The following NDFIP1 variants were observed in gnomAD, a reference collection of about 807,000 sequenced individuals.
NDFIP1 encodes the protein NEDD4 family-interacting protein 1.
A neutral mutation model predicts 28.8 loss-of-function variants in NDFIP1; 7 were observed. The observed-to-expected ratio is 0.24, with a 90% CI of 0.14 to 0.46. The LOEUF (loss-of-function observed/expected upper bound fraction) is 0.46, where lower values mean the gene tolerates loss of function less well. Among genes scored for constraint, NDFIP1 ranks in the 20% least tolerant of loss-of-function variants. The pLI, the probability that NDFIP1 is intolerant of heterozygous loss-of-function variation, is 0.99. For missense variants in NDFIP1, 194 were observed against 269.1 expected (o/e 0.72, Z 1.95); for synonymous variants, 92 against 101.0 (o/e 0.91, Z 0.53).
intron 7 of NDFIP1, among the ~76,000 whole-genome samples, chr5:142,147,568 A>G (rs1408329147): frequency 6.6e-6 from 1 of 152,158 alleles, no homozygotes; most frequent in Non-Finnish European, 1.5e-5. Flanking sequence ...CTGTTTTTAC[A>G]CACCTGGCCA....
intron 1 of NDFIP1, among the ~76,000 whole-genome samples, chr5:142,114,660 G>C (rs1164928283): frequency 6.6e-6 from 1 of 152,128 alleles, no homozygotes; most frequent in East Asian, 1.9e-4. Context: ...AAAACAAATG[G>C]TATGATATTT....
intron 1 of NDFIP1, among the ~76,000 whole-genome samples, chr5:142,118,244 C>T (rs561880470): frequency 6.6e-6 from 1 of 152,268 alleles, no homozygotes; most frequent in East Asian, 1.9e-4. Flanking sequence ...GTTCCAGGAT[C>T]CCATCCAGGA....
intron 4 of NDFIP1, 132 bp from the exon 5 acceptor site, chr5:142,137,602 A>G: frequency 2.0e-6 from 2 of 992,684 alleles, no homozygotes; most frequent in South Asian, 3.6e-5. Flanking sequence ...TAGAGGAGGT[A>G]TGGTGACGGT....
chr5:142,128,982 G>C (rs1235069811), intron 1 of NDFIP1, among the ~76,000 whole-genome samples: 1 of 152,058 alleles, frequency 6.6e-6, no homozygotes, highest in African/African-American at 2.4e-5. Flanking sequence ...TAACCTCTTT[G>C]TTCTTTGGAT....
intron 7 of NDFIP1, among the ~76,000 whole-genome samples, chr5:142,147,455 TTA>T (rs1186842617): frequency 6.6e-6 from 1 of 152,238 alleles, no homozygotes; most frequent in East Asian, 1.9e-4. Context: ...TTTATTATGC[TTA>T]TCACAGTTTT....
chr5:142,143,993 T>TTAATAATAATAATAA (rs61139878), intron 6 of NDFIP1: 1 of 148,098 alleles, frequency 6.8e-6, no homozygotes, highest in Non-Finnish European at 1.5e-5. Context: ...ACCCTGTCTG[T>TTAATAATAATAATAA]TAATAATAAT....
At chr5:142,116,405 G>T (rs1179626257) in intron 1 of NDFIP1, among the ~76,000 whole-genome samples, 1 of 147,856 alleles carries the variant, frequency 6.8e-6, no homozygotes, top group Admixed American at 6.8e-5. Context: ...GTCTTGCTCT[G>T]TTCCCCAGGC....
intron 7 of NDFIP1, among the ~76,000 whole-genome samples, chr5:142,148,489 G>T (rs753666350): frequency 6.6e-6 from 1 of 152,088 alleles, no homozygotes; most frequent in Non-Finnish European, 1.5e-5. Context: ...AGTGGCTCAC[G>T]CCTGTAATCC....
At chr5:142,145,051 A>G (rs1271966881) in intron 7 of NDFIP1, among the ~76,000 whole-genome samples, 2 of 152,254 alleles carry the variant, frequency 1.3e-5, no homozygotes, top group Non-Finnish European at 1.5e-5. Flanking sequence ...TTCAGGCCTA[A>G]TCACTCATCT....
At chr5:142,127,389 T>C (rs1209269305) in intron 1 of NDFIP1, among the ~76,000 whole-genome samples, 1 of 152,160 alleles carries the variant, frequency 6.6e-6, no homozygotes, top group Non-Finnish European at 1.5e-5. Context: ...CATGGCAGAT[T>C]GTGACATATC....
intron 1 of NDFIP1, among the ~76,000 whole-genome samples, chr5:142,117,330 G>A (rs1304056509): frequency 1.4e-5 from 2 of 148,078 alleles, no homozygotes; most frequent in Non-Finnish European, 3.0e-5. Flanking sequence ...TGCAACCTCC[G>A]CCTCCTGGGC....
intron 1 of NDFIP1, among the ~76,000 whole-genome samples, chr5:142,110,922 C>G (rs1157695057): frequency 6.6e-6 from 1 of 151,556 alleles, no homozygotes; most frequent in Non-Finnish European, 1.5e-5. Flanking sequence ...GTCAAAGACT[C>G]AAAGTGGCTC....
intron 7 of NDFIP1, 95 bp downstream of exon 7, chr5:142,144,771 A>T (rs1757371430): frequency 1.4e-6 from 1 of 716,112 alleles, no homozygotes; most frequent in African/African-American, 1.8e-5. Flanking sequence ...TGATAGGGGC[A>T]TATAGAGAAA....
At chr5:142,117,271 G>T (rs1252440645) in intron 1 of NDFIP1, among the ~76,000 whole-genome samples, 1 of 145,486 alleles carries the variant, frequency 6.9e-6, no homozygotes, top group Non-Finnish European at 1.5e-5. Flanking sequence ...TTGAGACGGA[G>T]TCTCACTCTG....
At chr5:142,151,649 C>T (rs1024696711) in intron 7 of NDFIP1, 82 bp from the exon 8 acceptor site, 1 of 152,394 alleles carries the variant, frequency 6.6e-6, no homozygotes, top group Non-Finnish European at 1.5e-5. Flanking sequence ...AAACATCCTG[C>T]CTTCTTTTGT....
At chr5:142,116,560 G>T (rs554637692) in intron 1 of NDFIP1, among the ~76,000 whole-genome samples, 28 of 152,024 alleles carry the variant, frequency 1.8e-4, no homozygotes, top group African/African-American at 6.8e-4. Context: ...GTAGAGGTGG[G>T]GTTTCACCAT....
At chr5:142,129,670 T>C (rs552358589) in intron 1 of NDFIP1, among the ~76,000 whole-genome samples, 3 of 152,250 alleles carry the variant, frequency 2.0e-5, no homozygotes, top group African/African-American at 7.2e-5. Flanking sequence ...CTCACGCCTG[T>C]AATTCCAGCA....
chr5:142,125,470 C>T (rs990631904), intron 1 of NDFIP1, among the ~76,000 whole-genome samples: 1 of 152,188 alleles, frequency 6.6e-6, no homozygotes. Flanking sequence ...TAAAGTGATC[C>T]TCCTGTCTCA....
At chr5:142,124,814 A>G (rs1039555088) in intron 1 of NDFIP1, among the ~76,000 whole-genome samples, 4 of 144,456 alleles carry the variant, frequency 2.8e-5, no homozygotes, top group African/African-American at 5.2e-5. Context: ...TTGGCTCCCT[A>G]TGAGCAACTT....
Sources: gnomAD v4.1 joint callset for allele counts (sites outside exome capture counted in the v4.1 genomes callset) on GRCh38, gnomAD v4.1.1 for gene constraint, MANE v1.5 for transcripts, NCBI Gene and HGNC (gene_info 2026-07-23, HGNC 2026-07-21) for gene names.